ATG3: variants seen among roughly 807,000 people sequenced by gnomAD.
ATG3 encodes the protein ubiquitin-like-conjugating enzyme ATG3.
ATG3 carries 25 observed loss-of-function variants against 50.7 expected under a neutral mutation model. The observed-to-expected ratio is 0.49, with a 90% CI of 0.36 to 0.69. The LOEUF is 0.69. Ranked by LOEUF, ATG3 falls within the 30% of genes least tolerant of loss-of-function variation. ATG3 has a pLI of 0.00. For missense variants in ATG3, 281 were observed against 376.0 expected (o/e 0.75, Z 2.09); for synonymous variants, 119 against 125.5 (o/e 0.95, Z 0.34).
chr3:112,544,210 G>T, intron 5 of ATG3, 104 bp from the exon 6 acceptor site: 1 of 915,674 alleles, frequency 1.1e-6, no homozygotes, highest in South Asian at 1.7e-5. Context: ...CAATTTCTCT[G>T]AAATAAGGAG....
At chr3:112,540,146 A>G (rs9831088) in intron 7 of ATG3, among the ~76,000 whole-genome samples, 43,183 of 152,148 alleles carry the variant, frequency 0.28, 7,502 homozygotes, top group East Asian at 0.54. Context: ...GGTTACAAGT[A>G]ATTCATTCAG....
chr3:112,549,572 G>C (rs1466237887), intron 4 of ATG3, among the ~76,000 whole-genome samples: 3 of 152,020 alleles, frequency 2.0e-5, no homozygotes, highest in African/African-American at 4.8e-5. Context: ...ACTTTGGGAG[G>C]CCAAGGTGGG....
At position 112,553,165 on chromosome 3, in the gene ATG3, G is replaced by C. The variant is rs1933574362; in HGVS notation, c.164+115C>G. The C allele has an allele frequency of 6.0e-6, 5 of 835,420 alleles. No homozygotes were observed. In the East Asian group the frequency reaches 1.3e-4, roughly 21 times the overall value. The allele number at this position is 835,420 out of a possible 1,614,324, so 51.8% of individuals were successfully genotyped here. A position where few individuals can be genotyped will look rare whatever the true frequency, so the allele number is the denominator to read the frequency against. On this transcript the variant is annotated intron_variant, in intron 3 of 11. Coordinates refer to ENST00000283290, the MANE Select transcript of ATG3 (RefSeq NM_022488.5). Reference sequence around the variant, plus strand: ...ATTGTTTAACAGAAGAATCTGCTGGGGGGAAAGTTAAACTGGTCATTCTAA... The same window carrying C: ...ATTGTTTAACAGAAGAATCTGCTGGCGGGAAAGTTAAACTGGTCATTCTAA...
chr3:112,549,396 T>C (rs1933464865), intron 4 of ATG3, among the ~76,000 whole-genome samples: 1 of 152,250 alleles, frequency 6.6e-6, no homozygotes, highest in African/African-American at 2.4e-5. Context: ...CTGTTCACTT[T>C]ATTTTCCCTT....
At chr3:112,533,817 G>A (rs567069839) in intron 11 of ATG3, 23 of 985,702 alleles carry the variant, frequency 2.3e-5, no homozygotes, top group Admixed American at 1.2e-4. Flanking sequence ...AAAAATGAAC[G>A]TACTATATTT....
intron 7 of ATG3, among the ~76,000 whole-genome samples, chr3:112,538,794 C>T (rs1933147605): frequency 6.6e-6 from 1 of 152,144 alleles, no homozygotes; most frequent in Non-Finnish European, 1.5e-5. Context: ...ATACTGATGA[C>T]TTTCAAATTT....
chr3:112,552,719 C>T (rs1224398534), intron 3 of ATG3, among the ~76,000 whole-genome samples: 4 of 150,922 alleles, frequency 2.7e-5, no homozygotes, highest in African/African-American at 4.9e-5. Context: ...GCATCATCTC[C>T]GGCTCACTGC....
At chr3:112,555,193 A>G (rs1192220931) in intron 2 of ATG3, among the ~76,000 whole-genome samples, 3 of 152,204 alleles carry the variant, frequency 2.0e-5, no homozygotes, top group African/African-American at 7.2e-5. Context: ...AGGAGGCAAG[A>G]AAAACGAAAA....
chr3:112,533,816 C>T (rs941315517), intron 11 of ATG3: 33 of 985,800 alleles, frequency 3.3e-5, no homozygotes, highest in African/African-American at 1.6e-4. Flanking sequence ...GAAAAATGAA[C>T]GTACTATATT....
chr3:112,554,315 A>G (rs1933607328), intron 2 of ATG3, among the ~76,000 whole-genome samples: 1 of 152,206 alleles, frequency 6.6e-6, no homozygotes, highest in African/African-American at 2.4e-5. Flanking sequence ...GCCTTAATTG[A>G]TGACACTCCA....
chr3:112,549,892 T>C (rs1362207123), intron 4 of ATG3, among the ~76,000 whole-genome samples: 2 of 152,086 alleles, frequency 1.3e-5, no homozygotes, highest in Non-Finnish European at 2.9e-5. Flanking sequence ...TCTGAGCTTT[T>C]AGATGTCATA....
intron 5 of ATG3, among the ~76,000 whole-genome samples, chr3:112,545,963 AG>A (rs1353621258): frequency 1.3e-5 from 2 of 152,186 alleles, no homozygotes; most frequent in East Asian, 3.8e-4. Flanking sequence ...TCATCCAATT[AG>A]TTGAAGGCCT....
At chr3:112,554,312 T>C (rs560279606) in intron 2 of ATG3, among the ~76,000 whole-genome samples, 30 of 152,348 alleles carry the variant, frequency 2.0e-4, no homozygotes, top group South Asian at 6.2e-4. Flanking sequence ...ATAGCCTTAA[T>C]TGATGACACT....
intron 1 of ATG3, among the ~76,000 whole-genome samples, chr3:112,559,978 A>C (rs1933801668): frequency 6.6e-6 from 1 of 152,224 alleles, no homozygotes; most frequent in African/African-American, 2.4e-5. Flanking sequence ...CTCTGTAAAC[A>C]ACAGTTTGCA....
chr3:112,544,214 T>C, intron 5 of ATG3, 108 bp from the exon 6 acceptor site: 1 of 880,028 alleles, frequency 1.1e-6, no homozygotes, highest in South Asian at 1.7e-5. Flanking sequence ...TTCTCTGAAA[T>C]AAGGAGGCAA....
intron 5 of ATG3, among the ~76,000 whole-genome samples, chr3:112,547,163 G>A (rs1430773371): frequency 6.6e-6 from 1 of 152,176 alleles, no homozygotes; most frequent in Non-Finnish European, 1.5e-5. Flanking sequence ...ATTTTTGGTT[G>A]TTAAAACTGA....
At chr3:112,541,104 A>G (rs944167576) in intron 7 of ATG3, among the ~76,000 whole-genome samples, 2 of 152,138 alleles carry the variant, frequency 1.3e-5, no homozygotes, top group Admixed American at 6.6e-5. Flanking sequence ...AAAAGGCCCC[A>G]TTAGCCAAGC....
At position 112,561,577 on chromosome 3, in the gene ATG3, C is replaced by T. The variant is rs757005529; in HGVS notation, c.-49G>A. ...CCCCGCGACGGGATGGAAAGTGCAGCCGTGTCAGGGGCCAGGGAGTCAGAA... is the reference window on the plus strand; with the variant it reads ...CCCCGCGACGGGATGGAAAGTGCAGTCGTGTCAGGGGCCAGGGAGTCAGAA... On this transcript the variant is annotated 5_prime_UTR_variant, in exon 1 of 12. Coordinates refer to ENST00000283290, the MANE Select transcript of ATG3 (RefSeq NM_022488.5). The T allele has an allele frequency of 5.1e-6, 8 of 1,576,308 alleles. No individual in the cohort carries two copies. In the South Asian group the frequency reaches 7.9e-5, roughly 16 times the overall value.
intron 3 of ATG3, among the ~76,000 whole-genome samples, chr3:112,552,625 T>TA (rs1215381197): frequency 1.4e-3 from 200 of 142,774 alleles, no homozygotes; most frequent in Non-Finnish European, 1.7e-3. Context: ...TTTGTTAATT[T>TA]AAAAAAAAAA....
Sources: allele counts gnomAD v4.1 joint callset (sites outside exome capture counted in the v4.1 genomes callset), GRCh38; gene constraint gnomAD v4.1.1; transcripts MANE v1.5; gene names NCBI Gene and HGNC (gene_info 2026-07-23, HGNC 2026-07-21).